The following RPRD1B variants were observed in gnomAD, a reference collection of about 807,000 sequenced individuals.
RPRD1B encodes the protein regulation of nuclear pre-mRNA domain containing 1B.
A neutral mutation model predicts 41.5 loss-of-function variants in RPRD1B; 11 were observed. That is an observed-to-expected ratio of 0.27 (90% CI 0.17 to 0.44). The LOEUF (loss-of-function observed/expected upper bound fraction) is 0.44. RPRD1B is among the 20% of genes least tolerant of loss of function. RPRD1B has a pLI of 1.00. For missense variants in RPRD1B, 248 were observed against 389.9 expected (o/e 0.64, Z 3.06); for synonymous variants, 158 against 155.6 (o/e 1.02, Z -0.12).
At chr20:38,049,196 G>T (rs1306875940) in intron 3 of RPRD1B, among the ~76,000 whole-genome samples, 1 of 151,746 alleles carries the variant, frequency 6.6e-6, no homozygotes, top group East Asian at 1.9e-4. Flanking sequence ...TGATCTGCCC[G>T]CCTCGGCCTC....
chr20:38,047,360 G>A (rs919368485), intron 2 of RPRD1B, among the ~76,000 whole-genome samples: 17 of 152,150 alleles, frequency 1.1e-4, no homozygotes, highest in African/African-American at 3.9e-4. Context: ...GTTTATGAAA[G>A]CGTTGTCATG....
At chr20:38,069,266 T>C (rs2074388329) in intron 6 of RPRD1B, among the ~76,000 whole-genome samples, 1 of 152,230 alleles carries the variant, frequency 6.6e-6, no homozygotes, top group African/African-American at 2.4e-5. Flanking sequence ...AGTAGGAGAT[T>C]GTGTTTCTTC....
intron 3 of RPRD1B, among the ~76,000 whole-genome samples, chr20:38,054,395 C>T (rs1267756793): frequency 1.3e-5 from 2 of 152,176 alleles, no homozygotes; most frequent in Non-Finnish European, 2.9e-5. Context: ...AGCAGGATGG[C>T]AAAGGACATA....
At chr20:38,035,597 G>T (rs145960088) in intron 1 of RPRD1B, among the ~76,000 whole-genome samples, 1 of 152,332 alleles carries the variant, frequency 6.6e-6, no homozygotes, top group African/African-American at 2.4e-5. Flanking sequence ...CCTTCGGGCA[G>T]TTCCGGGAAG....
At chr20:38,041,477 T>C (rs968466771) in intron 2 of RPRD1B, among the ~76,000 whole-genome samples, 1 of 152,210 alleles carries the variant, frequency 6.6e-6, no homozygotes, top group Non-Finnish European at 1.5e-5. Context: ...TTTCTAGAGA[T>C]GAAAAAGATG....
At chr20:38,077,950 C>T (rs759078351) in intron 6 of RPRD1B, among the ~76,000 whole-genome samples, 6 of 151,988 alleles carry the variant, frequency 3.9e-5, no homozygotes, top group East Asian at 1.9e-4. Flanking sequence ...CTGAGGCAGG[C>T]GGATCACTTG....
intron 3 of RPRD1B, among the ~76,000 whole-genome samples, chr20:38,052,750 GT>G (rs2074199417): frequency 8.3e-6 from 1 of 120,628 alleles, no homozygotes; most frequent in Non-Finnish European, 1.7e-5. Context: ...ACCAAACGCG[GT>G]GTTTTTTTTT....
intron 6 of RPRD1B, among the ~76,000 whole-genome samples, chr20:38,086,902 A>G (rs1430099507): frequency 1.3e-5 from 2 of 151,946 alleles, no homozygotes; most frequent in African/African-American, 2.4e-5. Flanking sequence ...ACCCCACCCT[A>G]TACCCCCTTC....
chr20:38,048,410 G>A lies in RPRD1B; in HGVS notation c.344G>A (p.Ser115Asn), dbSNP rs781420318. The change falls in exon 3 of 7, where the codon AGT (serine) becomes AAT (asparagine). Residue 115 changes from serine to asparagine, a missense_variant. Physicochemically the swap from Ser to Asn is conservative, Grantham distance 46. This residue lies in a region of RPRD1B where 47 missense variants were observed against 103.6 expected (regional missense o/e 0.45). Coordinates refer to ENST00000373433, the MANE Select transcript of RPRD1B (RefSeq NM_021215.4). ...ERLLNIWQER[S>N]VYGGEFIQQL... ...TTGCTGAACATCTGGCAAGAACGAA[G>A]TGTGTATGGCGGCGAGTTCATACAG... 1.9e-6 allele frequency: 3 copies of A among 1,614,070 alleles called. No homozygotes were observed. The South Asian group carries it at 3.3e-5, about 18-fold the overall frequency.
chr20:38,038,703 A>G (rs1435706290), intron 1 of RPRD1B, among the ~76,000 whole-genome samples: 7 of 152,020 alleles, frequency 4.6e-5, no homozygotes, highest in Non-Finnish European at 8.8e-5. Flanking sequence ...TCACCATGTT[A>G]GCCAGGATGG....
chr20:38,056,138 G>A (rs532660696), intron 3 of RPRD1B, among the ~76,000 whole-genome samples: 21 of 152,272 alleles, frequency 1.4e-4, no homozygotes, highest in Admixed American at 4.6e-4. Context: ...TGTAATCCCA[G>A]GACTTTGGGA....
intron 3 of RPRD1B, 142 bp downstream of exon 3, chr20:38,048,623 G>C: frequency 7.0e-7 from 1 of 1,430,164 alleles, no homozygotes; most frequent in Non-Finnish European, 9.2e-7. Context: ...ATGATGGTGA[G>C]AATTTATGTA....
At chr20:38,073,890 G>T (rs1221314527) in intron 6 of RPRD1B, among the ~76,000 whole-genome samples, 1 of 152,196 alleles carries the variant, frequency 6.6e-6, no homozygotes, top group Non-Finnish European at 1.5e-5. Context: ...GTTCTCCTGG[G>T]AGCTGAGAGG....
Position 38,040,419 on chromosome 20 carries a change from C to T in RPRD1B, c.152-16C>T, listed in dbSNP as rs777034568. On this transcript the variant is annotated splice_polypyrimidine_tract_variant and intron_variant, in intron 1 of 6. Coordinates refer to ENST00000373433, the MANE Select transcript of RPRD1B (RefSeq NM_021215.4). ...TCTTTGGTGTAAGTTAAATTCTTTT[C>T]TTTTCTTTTTTTCAGCCAAATCAAA... 1.9e-6 allele frequency: 3 copies of T among 1,570,640 alleles called. No homozygotes were observed. The highest frequency in any genetic ancestry group is 2.6e-6 in the Non-Finnish European group (3 of 1,163,430).
At position 38,049,367 on chromosome 20, in the gene RPRD1B, CTTTTTTTTTTTT is replaced by C. The variant is rs11481142; in HGVS notation, c.415+896_415+907del. On this transcript the variant is annotated intron_variant, in intron 3 of 6. Coordinates refer to ENST00000373433, the MANE Select transcript of RPRD1B (RefSeq NM_021215.4). ...TTTTTTCTTTTTTCTTTCTTTTTTT[CTTTTTTTTTTTT>C]TTTTTTTTTGAGACAGAGTCTTGCT... is the stretch of plus-strand genomic sequence containing the variant. Among the ~76,000 whole-genome samples the C allele has an allele frequency of 2.3e-3, 213 of 93,430 alleles. 1 individual carries two copies. The highest frequency in any genetic ancestry group is 8.8e-3 in the African/African-American group (199 of 22,550). 61.3% of individuals were successfully genotyped at this position (93,430 alleles called of 152,430 possible).
intron 4 of RPRD1B, among the ~76,000 whole-genome samples, chr20:38,058,992 G>A (rs1399491134): frequency 6.6e-6 from 1 of 152,080 alleles, no homozygotes; most frequent in Non-Finnish European, 1.5e-5. Flanking sequence ...AGGATTACAG[G>A]TGCGAGCCAC....
rs138451765 is a variant in RPRD1B, at chr20:38,056,012, A to G, written c.416-1520A>G. Reference sequence around the variant, plus strand: ...AAGCCATGGTAACAAATCTGTGTATAATAGTATGCGCAAAGTGAGGACGGC... The same window carrying G: ...AAGCCATGGTAACAAATCTGTGTATGATAGTATGCGCAAAGTGAGGACGGC... On this transcript the variant is annotated intron_variant, in intron 3 of 6. Coordinates refer to ENST00000373433, the MANE Select transcript of RPRD1B (RefSeq NM_021215.4). Among the ~76,000 whole-genome samples the G allele has an allele frequency of 3.4e-3, 525 of 152,298 alleles. 2 individuals carry two copies. Among genetic ancestry groups the G allele is most frequent in the African/African-American group, 0.012 (496 of 41,556 alleles).
chr20:38,053,827 A>G lies in RPRD1B; in HGVS notation c.416-3705A>G, dbSNP rs1421111349. 2.0e-5 allele frequency among the ~76,000 whole-genome samples: 3 copies of G among 152,242 alleles called. No individual in the cohort carries two copies. In the South Asian group the frequency reaches 6.2e-4, roughly 31 times the overall value. On this transcript the variant is annotated intron_variant, in intron 3 of 6. Coordinates refer to ENST00000373433, the MANE Select transcript of RPRD1B (RefSeq NM_021215.4). ...TGACAATTATTTACATATCATGTGT[A>G]CATTGTATTAGGTACTATAATCTAG...
intron 6 of RPRD1B, among the ~76,000 whole-genome samples, chr20:38,077,685 C>T (rs1267770601): frequency 1.3e-5 from 2 of 152,152 alleles, no homozygotes; most frequent in Non-Finnish European, 2.9e-5. Context: ...ACTTCCATCA[C>T]CTTAGTCCAC....
Sources: allele counts gnomAD v4.1 joint callset (sites outside exome capture counted in the v4.1 genomes callset), GRCh38; gene constraint gnomAD v4.1.1; regional missense constraint gnomAD v4.1.1; transcripts MANE v1.5; gene names NCBI Gene and HGNC (gene_info 2026-07-23, HGNC 2026-07-21).